Variants in ACSS3 observed in about 807,000 individuals in gnomAD.
ACSS3 encodes the protein acyl-CoA synthetase short chain family member 3, also known as acyl-CoA synthetase short-chain family member 3, mitochondrial.
A neutral mutation model predicts 84.2 loss-of-function variants in ACSS3; 64 were observed. The ratio of observed to expected loss-of-function variants is 0.76; its 90% confidence interval spans 0.62 to 0.94. The LOEUF (loss-of-function observed/expected upper bound fraction) is 0.94. Among genes scored for constraint, ACSS3 ranks in the 40% least tolerant of loss-of-function variants. The pLI is 0.00. For synonymous variants in ACSS3, 317 were observed against 310.1 expected, an observed-to-expected ratio of 1.02 and a Z score of -0.23; for missense variants, 815 against 867.6, an observed-to-expected ratio of 0.94 and a Z score of 0.76.
At chr12:81,107,503 AATATATACATATAT>A (rs71098119) in intron 1 of ACSS3, among the ~76,000 whole-genome samples, 6,010 of 59,428 alleles carry the variant, frequency 0.1, 968 homozygotes, top group Non-Finnish European at 0.15. Context: ...TTCAGGTACA[AATATATACATATAT>A]ATATATATAT....
At chr12:81,221,142 A>G (rs1185417588) in intron 11 of ACSS3, among the ~76,000 whole-genome samples, 1 of 152,080 alleles carries the variant, frequency 6.6e-6, no homozygotes, top group African/African-American at 2.4e-5. Context: ...TAAAATTTAT[A>G]TGCTAGTGGA....
At chr12:81,232,666 C>T (rs1026637334) in intron 12 of ACSS3, among the ~76,000 whole-genome samples, 8 of 151,738 alleles carry the variant, frequency 5.3e-5, no homozygotes, top group African/African-American at 1.7e-4. Flanking sequence ...GATGAGAATA[C>T]TGAGTCTCAG....
intron 2 of ACSS3, among the ~76,000 whole-genome samples, chr12:81,129,597 AT>A (rs36095800): frequency 0.31 from 47,235 of 152,002 alleles, 7,613 homozygotes; most frequent in Admixed American, 0.44. Context: ...GTGACCTGCG[AT>A]TTTGAGATCT....
chr12:81,164,286 G>T (rs1454916634), intron 7 of ACSS3, among the ~76,000 whole-genome samples: 2 of 152,136 alleles, frequency 1.3e-5, no homozygotes, highest in East Asian at 3.8e-4. Context: ...TAGCCTTGGA[G>T]TAAGAGGCAA....
intron 4 of ACSS3, among the ~76,000 whole-genome samples, chr12:81,139,615 T>A (rs1885979171): frequency 1.9e-5 from 2 of 105,984 alleles, no homozygotes; most frequent in Non-Finnish European, 4.1e-5. Context: ...AATATATATA[T>A]ATAAAATAAT....
At chr12:81,122,080 G>A (rs1055526285) in intron 2 of ACSS3, among the ~76,000 whole-genome samples, 7 of 151,734 alleles carry the variant, frequency 4.6e-5, no homozygotes, top group South Asian at 2.1e-4. Flanking sequence ...CTACAGGTGC[G>A]TGGCACTACA....
chr12:81,081,087 A>G (rs891499241), intron 1 of ACSS3, among the ~76,000 whole-genome samples: 1 of 152,220 alleles, frequency 6.6e-6, no homozygotes, highest in Non-Finnish European at 1.5e-5. Context: ...GCGATTCTTC[A>G]TTATAAGCTT....
chr12:81,175,596 T>C (rs2030411296), intron 8 of ACSS3, among the ~76,000 whole-genome samples: 1 of 152,058 alleles, frequency 6.6e-6, no homozygotes, highest in African/African-American at 2.4e-5. Context: ...CTCTAAAATC[T>C]ACCATGTGCT....
intron 3 of ACSS3, among the ~76,000 whole-genome samples, chr12:81,138,322 A>G (rs1885916653): frequency 6.6e-6 from 1 of 152,216 alleles, no homozygotes; most frequent in Non-Finnish European, 1.5e-5. Flanking sequence ...AGGAAACACA[A>G]AAATAAATGA....
chr12:81,191,114 C>T (rs754092849), intron 8 of ACSS3, among the ~76,000 whole-genome samples: 4 of 151,868 alleles, frequency 2.6e-5, no homozygotes, highest in Non-Finnish European at 4.4e-5. Context: ...ACATGCACAG[C>T]CTCCCCTACT....
intron 5 of ACSS3, among the ~76,000 whole-genome samples, chr12:81,146,136 C>G (rs1198303420): frequency 6.6e-6 from 1 of 152,078 alleles, no homozygotes; most frequent in Non-Finnish European, 1.5e-5. Flanking sequence ...TGAATGTTCT[C>G]TGAGGTCTTA....
rs1334266826 is a variant in ACSS3, at chr12:81,233,358, G to A, written c.1606G>A (p.Asp536Asn). Residue 536 changes from aspartate to asparagine, a missense_variant, in exon 13 of 16, where the codon GAT (aspartate) becomes AAT (asparagine). Transcript: ENST00000548058. ...LYFEKFPGYYDTMDAGYMDEE... is the reference protein window; with the variant it reads ...LYFEKFPGYYNTMDAGYMDEE... ...TTTTTCTTGTTTTCAGGGATATTAT[G>A]ATACCATGGATGCTGGTTACATGGA... The A allele has an allele frequency of 6.2e-7, 1 of 1,610,028 alleles. No homozygotes were observed.
chr12:81,106,476 A>T (rs1883009211), intron 1 of ACSS3, among the ~76,000 whole-genome samples: 1 of 152,290 alleles, frequency 6.6e-6, no homozygotes, highest in South Asian at 2.1e-4. Context: ...ATAATAATAA[A>T]AATAAAGTGC....
At chr12:81,144,326 C>G (rs149713333) in intron 5 of ACSS3, among the ~76,000 whole-genome samples, 22 of 152,186 alleles carry the variant, frequency 1.4e-4, no homozygotes, top group Admixed American at 1.2e-3. Flanking sequence ...TGAATTCATA[C>G]GTAGATGCAT....
chr12:81,087,536 A>G (rs1431740038), intron 1 of ACSS3, among the ~76,000 whole-genome samples: 3 of 131,814 alleles, frequency 2.3e-5, no homozygotes, highest in Non-Finnish European at 4.6e-5. Context: ...TAGTAAGACT[A>G]AAAAAAAAAT....
At chr12:81,100,216 GTTTTTT>G (rs34512313) in intron 1 of ACSS3, among the ~76,000 whole-genome samples, 27 of 106,562 alleles carry the variant, frequency 2.5e-4, no homozygotes, top group African/African-American at 7.8e-4. Flanking sequence ...AAAATTACCA[GTTTTTT>G]TTTTTTTTTT....
At chr12:81,217,018 A>C (rs1310520309) in intron 10 of ACSS3, 22 bp downstream of exon 10, 1 of 1,581,868 alleles carries the variant, frequency 6.3e-7, no homozygotes, top group South Asian at 1.1e-5. Context: ...CCCTGATAAT[A>C]CGTAAAGTTA....
At position 81,089,990 on chromosome 12, in the gene ACSS3, T is replaced by G. The variant is rs112406155; in HGVS notation, c.311+11559T>G. Among the ~76,000 whole-genome samples, 776 of 152,138 alleles carry G rather than the reference T, an allele frequency of 5.1e-3. 4 individuals are homozygous for G. The highest frequency in any genetic ancestry group is 0.014 in the African/African-American group (563 of 41,570). Reference sequence around the variant, plus strand: ...TAATTTCAGTTATAAGTTGTAATTATGCTCTCTACCTTCTGTTTTACATAG... The same window carrying G: ...TAATTTCAGTTATAAGTTGTAATTAGGCTCTCTACCTTCTGTTTTACATAG... On this transcript the variant is annotated intron_variant, in intron 1 of 15. Transcript: ENST00000548058.
intron 7 of ACSS3, among the ~76,000 whole-genome samples, chr12:81,171,997 G>A (rs2030085135): frequency 6.6e-6 from 1 of 152,102 alleles, no homozygotes; most frequent in South Asian, 2.1e-4. Flanking sequence ...TAAAACTATG[G>A]TATCACGCCT....
Sources: gnomAD v4.1 joint callset for allele counts (sites outside exome capture counted in the v4.1 genomes callset) on GRCh38, gnomAD v4.1.1 for gene constraint, MANE v1.5 for transcripts, NCBI Gene and HGNC (gene_info 2026-07-23, HGNC 2026-07-21) for gene names.